Variants in ANXA11 observed in about 807,000 individuals in gnomAD.
ANXA11 encodes the protein annexin A11.
In ANXA11, 57 loss-of-function variants were observed where a neutral mutation model predicts 64.7. The observed-to-expected ratio is 0.88, with a 90% CI of 0.71 to 1.10. The LOEUF is 1.10. Ranked by LOEUF, ANXA11 falls within the 50% of genes least tolerant of loss-of-function variation. The pLI, the probability that ANXA11 is intolerant of heterozygous loss-of-function variation, is 0.00. For synonymous variants in ANXA11, 260 were observed against 265.2 expected (o/e 0.98, Z 0.19); for missense variants, 675 against 670.7 (o/e 1.01, Z -0.07).
chr10:80,191,720 C>T (rs1206203421), intron 1 of ANXA11, among the ~76,000 whole-genome samples: 1 of 152,212 alleles, frequency 6.6e-6, no homozygotes, highest in Non-Finnish European at 1.5e-5. Context: ...GGACTTGGGC[C>T]CTCAGTGGCT....
chr10:80,170,345 T>G (rs538856980), intron 4 of ANXA11, among the ~76,000 whole-genome samples: 2 of 152,336 alleles, frequency 1.3e-5, no homozygotes, highest in South Asian at 4.1e-4. Context: ...AATGTATTAT[T>G]TTAAAAGTGA....
In ANXA11 at chr10:80,168,955, G is replaced by A. The variant is rs376217962; in HGVS notation, c.561+14C>T. 1.2e-4 allele frequency: 189 copies of A among 1,512,014 alleles called. No individual in the cohort carries two copies. Among genetic ancestry groups the A allele is most frequent in the Non-Finnish European group, 1.5e-4 (170 of 1,135,178 alleles). The allele number at this position is 1,512,014 out of a possible 1,614,324, so 93.7% of individuals were successfully genotyped here. A position where few individuals can be genotyped will look rare whatever the true frequency, so the allele number is the denominator to read the frequency against. ...CCAGGCCTGGACCAAGGGAGGCAGT[G>A]GGCTGACACTCACCTGGGTTGGGGG... On this transcript the variant is annotated intron_variant, in intron 5 of 15. Coordinates refer to ENST00000422982, the MANE Select transcript of ANXA11 (RefSeq NM_145868.2).
rs139827033 is a variant in ANXA11, at chr10:80,156,575, G to A, written c.1459-663C>T. On this transcript the variant is annotated intron_variant, in intron 15 of 15. Coordinates refer to ENST00000422982, the MANE Select transcript of ANXA11 (RefSeq NM_145868.2). ...GTCACCAAGACTGAAGTGGAATGGC[G>A]TGATCCCAGCTCACTGCAACCTCTG... 15 of 429,448 alleles carry A rather than the reference G, an allele frequency of 3.5e-5. No homozygotes were observed. In the East Asian group the frequency reaches 5.8e-4, roughly 17 times the overall value. The allele number at this position is 429,448 out of a possible 1,614,324, so 26.6% of individuals were successfully genotyped here.
intron 1 of ANXA11, among the ~76,000 whole-genome samples, chr10:80,176,981 CTTTT>C (rs10699670): frequency 1.4e-5 from 2 of 140,218 alleles, no homozygotes; most frequent in East Asian, 4.1e-4. Context: ...CTGCTCCCCA[CTTTT>C]TTTTTTTTTT....
chr10:80,180,693 C>T (rs1312935973), intron 1 of ANXA11, among the ~76,000 whole-genome samples: 1 of 151,572 alleles, frequency 6.6e-6, no homozygotes, highest in African/African-American at 2.4e-5. Flanking sequence ...TACACACACA[C>T]ACACAATTTA....
chr10:80,163,482 C>A, intron 10 of ANXA11, 52 bp downstream of exon 10: 2 of 1,607,702 alleles, frequency 1.2e-6, no homozygotes, highest in South Asian at 2.2e-5. Flanking sequence ...GGGATCCCAT[C>A]TCTTTGACTT....
At chr10:80,199,096 T>TG (rs1491322531) in intron 1 of ANXA11, among the ~76,000 whole-genome samples, 3 of 106,064 alleles carry the variant, frequency 2.8e-5, no homozygotes, top group African/African-American at 9.0e-5. Flanking sequence ...CAAGATAAAC[T>TG]TTTTTTTTTT....
At chr10:80,171,516 C>A (rs1438497306) in intron 3 of ANXA11, 2 of 701,312 alleles carry the variant, frequency 2.9e-6, no homozygotes, top group Non-Finnish European at 3.5e-6. Flanking sequence ...TGCCCTGGGG[C>A]AAGGCTTTCA....
intron 8 of ANXA11, 71 bp from the exon 9 acceptor site, chr10:80,164,214 T>TG: frequency 2.4e-6 from 3 of 1,259,746 alleles, no homozygotes; most frequent in Non-Finnish European, 3.5e-6. Context: ...GGAAGAAGGG[T>TG]GGGGGCTACG....
intron 8 of ANXA11, 77 bp downstream of exon 8, chr10:80,166,007 T>G: frequency 1.2e-6 from 1 of 841,764 alleles, no homozygotes; most frequent in Non-Finnish European, 1.9e-6. Flanking sequence ...CTGGGCTGTG[T>G]GTCCACACGC....
In ANXA11 at chr10:80,162,032, G is replaced by A. The variant is rs1373786917; in HGVS notation, c.1087-4C>T. On this transcript the variant is annotated splice_polypyrimidine_tract_variant and splice_region_variant and intron_variant, in intron 11 of 15. Coordinates refer to ENST00000422982, the MANE Select transcript of ANXA11 (RefSeq NM_145868.2). ...TCTCCCCGGCCGCATACAGCTCCTG[G>A]AGAGAGAGGAAGACGCACATGTGGC... 6.2e-7 allele frequency: 1 copy of A among 1,608,738 alleles called. No homozygotes were observed. Among genetic ancestry groups the A allele is most frequent in the Non-Finnish European group, 8.5e-7 (1 of 1,178,704 alleles).
intron 1 of ANXA11, among the ~76,000 whole-genome samples, chr10:80,205,085 G>A (rs1840612066): frequency 6.6e-6 from 1 of 152,044 alleles, no homozygotes; most frequent in African/African-American, 2.4e-5. Flanking sequence ...CGGGGGGACG[G>A]CGAGTGCACC....
rs955878628 is a variant in ANXA11 at position 80,157,799 on chromosome 10, C to T, written c.1336-36G>A. On this transcript the variant is annotated intron_variant, in intron 14 of 15. Coordinates refer to ENST00000422982, the MANE Select transcript of ANXA11 (RefSeq NM_145868.2). Reference sequence around the variant, plus strand: ...TCCACCCAAGAGCATGAGCACCAGGCCTCCTCACCTTCCCACCTGCCCTGG... The same window carrying T: ...TCCACCCAAGAGCATGAGCACCAGGTCTCCTCACCTTCCCACCTGCCCTGG... 5.0e-6 allele frequency: 8 copies of T among 1,602,006 alleles called. No homozygotes were observed. The Admixed American group carries it at 1.3e-4, about 27-fold the overall frequency.
intron 12 of ANXA11, among the ~76,000 whole-genome samples, chr10:80,159,695 G>A (rs1469702999): frequency 2.0e-5 from 3 of 152,122 alleles, no homozygotes; most frequent in African/African-American, 7.2e-5. Flanking sequence ...AAGGAAGTCA[G>A]AGTCTTCGTC....
At chr10:80,201,927 AG>A (rs1840442456) in intron 1 of ANXA11, among the ~76,000 whole-genome samples, 1 of 152,068 alleles carries the variant, frequency 6.6e-6, no homozygotes, top group Non-Finnish European at 1.5e-5. Flanking sequence ...CCCAAGTGTG[AG>A]GGGCAGGGGA....
At chr10:80,156,413 T>C (rs1455720229) in intron 15 of ANXA11, 1 of 472,150 alleles carries the variant, frequency 2.1e-6, no homozygotes, top group Non-Finnish European at 4.4e-6. Flanking sequence ...TCATTTCTAA[T>C]CATTTCCTTC....
At chr10:80,198,403 T>G (rs1001944314) in intron 1 of ANXA11, among the ~76,000 whole-genome samples, 45 of 152,288 alleles carry the variant, frequency 3.0e-4, no homozygotes, top group African/African-American at 1.0e-3. Flanking sequence ...GGGCCTGCCA[T>G]GGGGATGTGA....
chr10:80,189,251 C>A (rs1846670590), intron 1 of ANXA11, among the ~76,000 whole-genome samples: 1 of 152,108 alleles, frequency 6.6e-6, no homozygotes, highest in Non-Finnish European at 1.5e-5. Context: ...GAGAGGGATT[C>A]CACCCATGGA....
rs2228427 is a variant in ANXA11, at chr10:80,166,962, A to G, written c.672T>C (p.Ile224=). 0.14 allele frequency: 216,985 copies of G among 1,604,782 alleles called. 16,101 individuals carry two copies. Among genetic ancestry groups the G allele is most frequent in the Admixed American group, 0.24 (14,201 of 58,882 alleles). Reference sequence around the variant, plus strand: ...TGTTGGAGCGACTCCCCAGGCAGTCAATGATGGCCTGCTCATCCGTCCCTG... The same window carrying G: ...TGTTGGAGCGACTCCCCAGGCAGTCGATGATGGCCTGCTCATCCGTCCCTG... ...KGFGTDEQAI[I]DCLGSRSNKQ... is the part of the protein sequence containing the mutation. The change falls in exon 7 of 16, where the codon ATT becomes ATC. Residue 224 remains isoleucine (I), a synonymous_variant. Coordinates refer to ENST00000422982, the MANE Select transcript of ANXA11 (RefSeq NM_145868.2).
Sources: gnomAD v4.1 joint callset for allele counts (sites outside exome capture counted in the v4.1 genomes callset) on GRCh38, gnomAD v4.1.1 for gene constraint, MANE v1.5 for transcripts, NCBI Gene and HGNC (gene_info 2026-07-23, HGNC 2026-07-21) for gene names.